Variants in SLC9A3 observed in about 807,000 individuals in gnomAD.
SLC9A3 encodes the protein solute carrier family 9 member A3.
Under a neutral mutation model 86.8 loss-of-function variants are expected in SLC9A3, and 37 were observed. The ratio of observed to expected loss-of-function variants is 0.43; its 90% CI spans 0.33 to 0.56. SLC9A3 has a LOEUF of 0.56. Ranked by LOEUF, SLC9A3 falls within the 20% of genes least tolerant of loss-of-function variation. SLC9A3 has a pLI of 0.06. For synonymous variants in SLC9A3, 581 were observed against 528.3 expected (o/e 1.10, Z -1.37); for missense variants, 1,011 against 1,171.9 (o/e 0.86, Z 2.00).
At chr5:474,695 A>G (rs1412654378) in intron 16 of SLC9A3, among the ~76,000 whole-genome samples, 188 bp downstream of exon 16, 2 of 17,402 alleles carry the variant, frequency 1.1e-4, no homozygotes, top group Non-Finnish European at 2.7e-4. Flanking sequence ...AGGCGGGGAG[A>G]GAGAGAGCGA....
intron 10 of SLC9A3, chr5:479,168 C>T (rs1190433167): frequency 2.6e-5 from 4 of 152,566 alleles, no homozygotes; most frequent in African/African-American, 9.6e-5. Context: ...GGAATCCCTG[C>T]AGCTGTGCCC....
rs184466864 is a variant in SLC9A3, at chr5:496,538, C to T, written c.212-4467G>A. ...ATCCAGCCTTTGCTTATGTCTTCAG[C>T]GGCAGGTAGATTTTCACTTTCAAAA... On this transcript the variant is annotated intron_variant, in intron 1 of 16. Coordinates refer to ENST00000264938, the MANE Select transcript of SLC9A3 (RefSeq NM_004174.4). This position sits in a 1 kb window ranked among gnomAD's most constrained non-coding sequence, Gnocchi z 4.7. Among the ~76,000 whole-genome samples, 100 of 152,350 alleles carry T rather than the reference C, an allele frequency of 6.6e-4. No homozygotes were observed. Among genetic ancestry groups the T allele is most frequent in the Middle Eastern group, 3.4e-3 (1 of 294 alleles).
At chr5:518,710 T>A (rs1733804634) in intron 1 of SLC9A3, among the ~76,000 whole-genome samples, 1 of 152,154 alleles carries the variant, frequency 6.6e-6, no homozygotes, top group African/African-American at 2.4e-5. Context: ...CTCAGCCATT[T>A]CTGCAGTAGA....
intron 1 of SLC9A3, among the ~76,000 whole-genome samples, chr5:521,177 A>G (rs1733874470): frequency 6.6e-6 from 1 of 152,240 alleles, no homozygotes; most frequent in African/African-American, 2.4e-5. Context: ...ATGCTGTAAA[A>G]GGCAGGGGAA....
In SLC9A3 at chr5:484,588, G is replaced by A. The variant is rs1739376711; in HGVS notation, c.864C>T (p.Gly288=). The change falls in exon 5 of 17, where the codon GGC becomes GGT. Residue 288 remains glycine (G), a synonymous_variant. Coordinates refer to ENST00000264938, the MANE Select transcript of SLC9A3 (RefSeq NM_004174.4). ...ACAGGTAGGAGATGATGAACACGAA[G>A]CCGGGCTCGATGATACGCACATGCT... ...FTKHVRIIEP[G]FVFIISYLSY... 2 of 1,613,338 alleles carry A rather than the reference G, an allele frequency of 1.2e-6. No homozygotes were observed. Among genetic ancestry groups the A allele is most frequent in the Non-Finnish European group, 1.7e-6 (2 of 1,179,990 alleles).
intron 3 of SLC9A3, among the ~76,000 whole-genome samples, chr5:486,202 G>A (rs866237280): frequency 2.1e-4 from 32 of 152,052 alleles, no homozygotes; most frequent in African/African-American, 7.2e-4. Flanking sequence ...CTCCGGCTGC[G>A]TCTGCAGGGT....
intron 11 of SLC9A3, 125 bp from the exon 12 acceptor site, chr5:476,797 G>T (rs1579765034): frequency 3.5e-6 from 4 of 1,137,748 alleles, no homozygotes; most frequent in Non-Finnish European, 3.8e-6. Flanking sequence ...CCTTCCCATG[G>T]TGGGCACCCG....
intron 14 of SLC9A3, 76 bp from the exon 15 acceptor site, chr5:475,747 A>C: frequency 1.2e-6 from 1 of 862,138 alleles, no homozygotes; most frequent in Non-Finnish European, 1.9e-6. Flanking sequence ...AGTGTCCATC[A>C]GCTCTGTGCA....
At chr5:519,811 G>A (rs1302114283) in intron 1 of SLC9A3, among the ~76,000 whole-genome samples, 1 of 152,120 alleles carries the variant, frequency 6.6e-6, no homozygotes, top group Non-Finnish European at 1.5e-5. Flanking sequence ...CCCACAGTGG[G>A]GGTAACGCCG....
intron 1 of SLC9A3, among the ~76,000 whole-genome samples, chr5:516,365 C>G (rs920273726): frequency 2.0e-5 from 3 of 152,118 alleles, no homozygotes; most frequent in African/African-American, 7.2e-5. Context: ...GCTGCAAAGT[C>G]CAGCATTTTG....
chr5:473,802 T>C (rs1042590111), intron 16 of SLC9A3, among the ~76,000 whole-genome samples: 1 of 152,198 alleles, frequency 6.6e-6, no homozygotes, highest in African/African-American at 2.4e-5. Context: ...CTCCCTGCTC[T>C]GAGCTGGAGG....
chr5:498,455 T>A (rs1001205628), intron 1 of SLC9A3, among the ~76,000 whole-genome samples: 3 of 152,144 alleles, frequency 2.0e-5, no homozygotes, highest in Non-Finnish European at 4.4e-5. Flanking sequence ...TGGACTGGAG[T>A]GCAGCGGCAC....
chr5:484,754 G>A, intron 4 of SLC9A3, 57 bp from the exon 5 acceptor site: 1 of 1,571,806 alleles, frequency 6.4e-7, no homozygotes, highest in East Asian at 2.2e-5. Flanking sequence ...TCCTTGCCAG[G>A]GGCCGCCTGG....
In SLC9A3 at chr5:472,792, T is replaced by C. The variant is rs1264502278; in HGVS notation, c.*587A>G. The C allele has an allele frequency of 1.7e-6, 1 of 578,206 alleles. No individual in the cohort carries two copies. Among genetic ancestry groups the C allele is most frequent in the African/African-American group, 1.9e-5 (1 of 51,676 alleles). The allele number at this position is 578,206 out of a possible 1,614,324, so 35.8% of individuals were successfully genotyped here. ...GCCCTGAGTCCTGGCGCTCGGGAGG[T>C]CCCTGAGTCGGTCCCCGAGTCAGTC... is the stretch of plus-strand genomic sequence containing the variant. On this transcript the variant is annotated 3_prime_UTR_variant, in exon 17 of 17. Transcript: ENST00000264938.
rs1738489687 is a variant in SLC9A3 at position 473,195 on chromosome 5, T to A, written c.*184A>T. The A allele has an allele frequency of 9.6e-6, 5 of 520,242 alleles. No homozygotes were observed. The highest frequency in any genetic ancestry group is 5.8e-5 in the Admixed American group (1 of 17,252). The allele number at this position is 520,242 out of a possible 1,614,324, so 32.2% of individuals were successfully genotyped here. On this transcript the variant is annotated 3_prime_UTR_variant, in exon 17 of 17. Coordinates refer to ENST00000264938, the MANE Select transcript of SLC9A3 (RefSeq NM_004174.4). ...CCCCCGGCTCGCCCTCGGGCGGCTCTGCGGGCGCAGGCGCGGCACTCTCGG... is the reference window on the plus strand; with the variant it reads ...CCCCCGGCTCGCCCTCGGGCGGCTCAGCGGGCGCAGGCGCGGCACTCTCGG...
intron 1 of SLC9A3, among the ~76,000 whole-genome samples, chr5:495,096 G>T (rs1338456679): frequency 1.1e-5 from 1 of 91,936 alleles, no homozygotes; most frequent in Non-Finnish European, 3.0e-5. Flanking sequence ...TCCCCAGGTG[G>T]GGGGGCGCCG....
Position 485,144 on chromosome 5 carries a change from G to T in SLC9A3, c.754+9C>A, listed in dbSNP as rs55989315. The stretch of plus-strand genomic sequence containing the variant: ...GGCCGCCCACTCCCCCTGACCCACA[G>T]CTACACACCTATGCCCTTCACGCAG... On this transcript the variant is annotated intron_variant, in intron 4 of 16. Transcript: ENST00000264938. 0.24 allele frequency: 387,953 copies of T among 1,605,310 alleles called. 51,341 individuals are homozygous for T. Among genetic ancestry groups the T allele is most frequent in the Non-Finnish European group, 0.27 (314,553 of 1,172,062 alleles).
chr5:524,394 G>A lies in SLC9A3; in HGVS notation c.-72C>T, dbSNP rs1378831661. On this transcript the variant is annotated 5_prime_UTR_variant, in exon 1 of 17. Transcript: ENST00000264938. ...CCCGGCTGGGCTGGGCCGACGCGCG[G>A]GGCTGGGACCCGGCGAGGACCCGGC... 4.8e-6 allele frequency: 3 copies of A among 620,098 alleles called. No homozygotes were observed. Among genetic ancestry groups the A allele is most frequent in the Non-Finnish European group, 6.5e-6 (3 of 459,174 alleles). The allele number at this position is 620,098 out of a possible 1,614,324, so 38.4% of individuals were successfully genotyped here.
chr5:506,942 A>G (rs1409830618), intron 1 of SLC9A3, among the ~76,000 whole-genome samples: 3 of 150,194 alleles, frequency 2.0e-5, no homozygotes, highest in Admixed American at 2.0e-4. Context: ...GTGGTGGCAG[A>G]CACCTGTAGT....
Sources: gnomAD v4.1 joint callset for allele counts (sites outside exome capture counted in the v4.1 genomes callset) on GRCh38, gnomAD v4.1.1 for gene constraint, Gnocchi (gnomAD v3.1) non-coding constraint, MANE v1.5 for transcripts, NCBI Gene and HGNC (gene_info 2026-07-23, HGNC 2026-07-21) for gene names.